Variants in GAB4 observed in about 807,000 individuals in gnomAD.
GAB4 encodes GRB2-associated-binding protein 4.
GAB4 carries 26 observed loss-of-function variants against 51.3 expected under a neutral mutation model. The observed-to-expected ratio is 0.51, with a 90% CI of 0.37 to 0.70. The LOEUF is 0.70. Among genes scored for constraint, GAB4 ranks in the 30% least tolerant of loss-of-function variants. The probability of loss-of-function intolerance (pLI) is 0.00; values close to 1 mark genes in which losing one functional copy is unlikely to be tolerated. For synonymous variants in GAB4, 329 were observed against 291.2 expected (o/e 1.13, Z -1.32); for missense variants, 759 against 734.6 (o/e 1.03, Z -0.38).
At chr22:16,997,414 A>C (rs2060958654) in intron 1 of GAB4, among the ~76,000 whole-genome samples, 1 of 152,152 alleles carries the variant, frequency 6.6e-6, no homozygotes, top group Middle Eastern at 3.4e-3. Flanking sequence ...GCATTTTTTC[A>C]TGTGTCTGTT....
At chr22:16,963,508 A>G (rs968287554) in intron 9 of GAB4, among the ~76,000 whole-genome samples, 1 of 152,036 alleles carries the variant, frequency 6.6e-6, no homozygotes, top group Non-Finnish European at 1.5e-5. Flanking sequence ...TCTGTCTCTA[A>G]TGGGGAGTCG....
chr22:16,994,147 A>AAG (rs2060933672), intron 1 of GAB4, among the ~76,000 whole-genome samples: 1 of 152,166 alleles, frequency 6.6e-6, no homozygotes, highest in South Asian at 2.1e-4. Flanking sequence ...TAAAACTCTG[A>AAG]AGAGTTTCCT....
chr22:17,003,864 C>A (rs1004648302), intron 1 of GAB4, among the ~76,000 whole-genome samples: 1 of 152,110 alleles, frequency 6.6e-6, no homozygotes, highest in Admixed American at 6.6e-5. Flanking sequence ...AAAAACCCTT[C>A]AAAAAATCAG....
chr22:16,980,274 T>A (rs1196261737), intron 3 of GAB4, among the ~76,000 whole-genome samples: 1 of 152,156 alleles, frequency 6.6e-6, no homozygotes, highest in Non-Finnish European at 1.5e-5. Context: ...GACAAAGGGC[T>A]AATATCCAGA....
chr22:16,970,178 G>A lies in GAB4; in HGVS notation c.702C>T (p.Ser234=). Residue 234 remains serine, a synonymous_variant, in exon 4 of 10, where the codon TCC becomes TCT. Transcript: ENST00000400588. Reference sequence around the variant, plus strand: ...TGATGAATGGGGCCTCAGAACCCTGGGAGAAGCTGGCACTCCTAAGAGAGA... The same window carrying A: ...TGATGAATGGGGCCTCAGAACCCTGAGAGAAGCTGGCACTCCTAAGAGAGA... The part of the protein sequence containing the change: ...RAEHARSASF[S]QGSEAPFIMR... The A allele has an allele frequency of 6.2e-7, 1 of 1,614,124 alleles. No homozygotes were observed. The highest frequency in any genetic ancestry group is 8.5e-7 in the Non-Finnish European group (1 of 1,180,002).
In GAB4 at chr22:16,988,075, C is replaced by G; in HGVS notation, c.571G>C (p.Glu191Gln). ...GACACCGGGGGCTCAGATGTGGGTTCTTGTTCTTGGGGGAGGTGCTGATGG... is the reference window on the plus strand; with the variant it reads ...GACACCGGGGGCTCAGATGTGGGTTGTTGTTCTTGGGGGAGGTGCTGATGG... ...CSHQHLPQEQ[E>Q]PTSEPPVSHC... is the part of the protein sequence containing the mutation. Residue 191 changes from glutamate to glutamine, a missense_variant, in exon 3 of 10, where the codon GAA (glutamate) becomes CAA (glutamine). Physicochemically the swap from Glu to Gln is conservative, Grantham distance 29. Coordinates refer to ENST00000400588, the MANE Select transcript of GAB4 (RefSeq NM_001037814.1). 1.2e-6 allele frequency: 2 copies of G among 1,608,600 alleles called. No homozygotes were observed. Among genetic ancestry groups the G allele is most frequent in the Non-Finnish European group, 1.7e-6 (2 of 1,177,568 alleles).
In GAB4 at chr22:16,995,256, C is replaced by T. The variant is rs187348469; in HGVS notation, c.175-3080G>A. ...AGATAGTTGGGCGGATAATGGAATA[C>T]GGTTTCCCAAATCTGTAAGCAGATC... On this transcript the variant is annotated intron_variant, in intron 1 of 9. Coordinates refer to ENST00000400588, the MANE Select transcript of GAB4 (RefSeq NM_001037814.1). 2.0e-4 allele frequency among the ~76,000 whole-genome samples: 30 copies of T among 152,306 alleles called. No individual in the cohort carries two copies. The East Asian group carries it at 4.8e-3, about 24-fold the overall frequency.
At position 16,966,216 on chromosome 22, in the gene GAB4, A is replaced by T; in HGVS notation, c.1172T>A (p.Val391Asp). 3.7e-6 allele frequency: 6 copies of T among 1,614,088 alleles called. No homozygotes were observed. The highest frequency in any genetic ancestry group is 4.2e-6 in the Non-Finnish European group (5 of 1,180,028). Residue 391 changes from valine (V) to aspartate (D), a missense_variant, in exon 6 of 10, where the codon GTT becomes GAT. Val to Asp is a radical substitution (Grantham distance 152). This residue lies in a region of GAB4 where 588 missense variants were observed against 510.2 expected (regional missense o/e 1.15). Coordinates refer to ENST00000400588, the MANE Select transcript of GAB4 (RefSeq NM_001037814.1). ...GVCIPVGSCL[V>D]RFDLLGSPLT... ...TGGGGAGCCAAGCAGGTCAAAGCGA[A>T]CAAGACATGAGCCCACAGGGATGCA...
intron 1 of GAB4, among the ~76,000 whole-genome samples, chr22:17,007,729 C>T (rs1223060918): frequency 6.6e-6 from 1 of 152,166 alleles, no homozygotes; most frequent in Non-Finnish European, 1.5e-5. Flanking sequence ...GGGTCCCCAG[C>T]CCTGGAATCA....
chr22:17,007,846 TC>T (rs1166964307), intron 1 of GAB4, 94 bp downstream of exon 1: 131 of 1,189,582 alleles, frequency 1.1e-4, no homozygotes, highest in Non-Finnish European at 1.4e-4. Context: ...CACCCGCAGC[TC>T]CTCCCGTGGA....
intron 1 of GAB4, among the ~76,000 whole-genome samples, chr22:17,003,077 G>A (rs996873166): frequency 5.9e-5 from 9 of 152,082 alleles, no homozygotes; most frequent in South Asian, 2.1e-4. Flanking sequence ...CATCAAAAAC[G>A]AAAAGAAGGG....
At chr22:16,984,387 T>C (rs2060850847) in intron 3 of GAB4, among the ~76,000 whole-genome samples, 1 of 152,216 alleles carries the variant, frequency 6.6e-6, no homozygotes, top group Admixed American at 6.5e-5. Context: ...GAAAACAATA[T>C]GGAGGTTCCT....
chr22:16,963,640 T>TA, intron 9 of GAB4, 85 bp downstream of exon 9: 1 of 916,056 alleles, frequency 1.1e-6, no homozygotes, highest in Non-Finnish European at 1.7e-6. Flanking sequence ...AGCAGCCCAG[T>TA]GCTGCCGGTG....
intron 3 of GAB4, among the ~76,000 whole-genome samples, chr22:16,980,542 C>G (rs2060818743): frequency 6.6e-6 from 1 of 152,194 alleles, no homozygotes. Context: ...AATAGGAACA[C>G]TTTTACACTG....
intron 4 of GAB4, 134 bp from the exon 5 acceptor site, chr22:16,968,517 G>C (rs1219917598): frequency 1.5e-6 from 1 of 677,238 alleles, no homozygotes; most frequent in East Asian, 2.7e-5. Context: ...ATGACAAAGC[G>C]TTACCTCTAA....
rs868332815 is a variant in GAB4 at position 16,962,747 on chromosome 22, C to T, written c.1711G>A (p.Gly571Ser). ...GGTGGCCCGAGTCACAGCTTGGCGC[C>T]CCTGGGAGGCTCTGAGGACTGCCGC... ...CLRQSSEPPR[G>S]AKL The change falls in exon 10 of 10, where the codon GGC becomes AGC. Residue 571 changes from glycine (G) to serine (S), a missense_variant. Gly to Ser is a moderately conservative substitution (Grantham distance 56). Around this residue, in one of 3 missense-constraint regions of GAB4, gnomAD observed 588 missense variants for 510.2 expected, o/e 1.15. Coordinates refer to ENST00000400588, the MANE Select transcript of GAB4 (RefSeq NM_001037814.1). 1 of 1,611,916 alleles carries T rather than the reference C, an allele frequency of 6.2e-7. No homozygotes were observed. The highest frequency in any genetic ancestry group is 1.3e-5 in the African/African-American group (1 of 75,048).
chr22:16,999,461 G>T (rs2060977531), intron 1 of GAB4, among the ~76,000 whole-genome samples: 1 of 152,136 alleles, frequency 6.6e-6, no homozygotes, highest in African/African-American at 2.4e-5. Flanking sequence ...GTGGTAGTTT[G>T]TATTTCTGTG....
Position 17,008,047 on chromosome 22 carries a change from G to A in GAB4, c.68C>T (p.Ser23Phe), listed in dbSNP as rs1339548779. Residue 23 changes from serine (S) to phenylalanine (F), a missense_variant, in exon 1 of 10, where the codon TCT becomes TTT. Transcript: ENST00000400588. ...CPPDPAFAPL[S>F]SWPGSGPAGG... is the part of the protein sequence containing the mutation. ...GGCGGGGCCACTTCCGGGCCACGAA[G>A]ACAAAGGCGCAAATGCCGGGTCAGG... The A allele has an allele frequency of 5.0e-6, 8 of 1,609,004 alleles. No individual in the cohort carries two copies. Among genetic ancestry groups the A allele is most frequent in the Non-Finnish European group, 6.8e-6 (8 of 1,178,042 alleles).
At position 16,963,769 on chromosome 22, in the gene GAB4, T is replaced by G. The variant is rs748653350; in HGVS notation, c.1537A>C (p.Thr513Pro). Residue 513 changes from threonine to proline, a missense_variant, in exon 9 of 10, where the codon ACT becomes CCT. Thr to Pro is a conservative substitution (Grantham distance 38). This residue lies in a region of GAB4 where 588 missense variants were observed against 510.2 expected (regional missense o/e 1.15). Coordinates refer to ENST00000400588, the MANE Select transcript of GAB4 (RefSeq NM_001037814.1). ...AGGGCCGCGTAGTGGATGTTACCAG[T>G]GCTCCTCGGCGGGGCTGAACTGCTG... is the stretch of plus-strand genomic sequence containing the variant. ...GTSSSAPPRS[T>P]GNIHYAALDF... 4.4e-5 allele frequency: 71 copies of G among 1,613,926 alleles called. 1 individual carries two copies. The highest frequency in any genetic ancestry group is 1.3e-4 in the Admixed American group (8 of 60,026).
Sources: gnomAD v4.1 joint callset for allele counts (sites outside exome capture counted in the v4.1 genomes callset) on GRCh38, gnomAD v4.1.1 for gene constraint, gnomAD v4.1.1 regional missense constraint, MANE v1.5 for transcripts, NCBI Gene and HGNC (gene_info 2026-07-23, HGNC 2026-07-21) for gene names.